SEMA4D: variants seen among roughly 807,000 people sequenced by gnomAD.
SEMA4D encodes the protein semaphorin 4D.
A neutral mutation model predicts 74.8 loss-of-function variants in SEMA4D; 22 were observed. That is an observed-to-expected ratio of 0.29 (90% confidence interval 0.21 to 0.42). The LOEUF (loss-of-function observed/expected upper bound fraction) is 0.42. Among genes scored for constraint, SEMA4D ranks in the 10% least tolerant of loss-of-function variants. SEMA4D has a pLI of 1.00. For synonymous variants in SEMA4D, 445 were observed against 463.7 expected (o/e 0.96, Z 0.52); for missense variants, 937 against 1,118.4 (o/e 0.84, Z 2.31).
At chr9:89,462,306 T>C (rs1367336357) in intron 1 of SEMA4D, among the ~76,000 whole-genome samples, 2 of 152,210 alleles carry the variant, frequency 1.3e-5, no homozygotes, top group African/African-American at 4.8e-5. Flanking sequence ...ACGGTGCTAT[T>C]ATAATTCACA....
chr9:89,362,129 G>A, exon 19 of SEMA4D: 1 of 580,512 alleles, frequency 1.7e-6, no homozygotes, highest in Non-Finnish European at 3.1e-6. Context: ...TAGCCATCCT[G>A]GTTACCTGCT....
chr9:89,393,202 G>A (rs1840225238), intron 7 of SEMA4D, among the ~76,000 whole-genome samples: 1 of 152,232 alleles, frequency 6.6e-6, no homozygotes, highest in Non-Finnish European at 1.5e-5. Context: ...AGATGCAACA[G>A]TGGGTACACA....
At chr9:89,455,687 C>T (rs1009089992) in intron 2 of SEMA4D, among the ~76,000 whole-genome samples, 1 of 152,320 alleles carries the variant, frequency 6.6e-6, no homozygotes, top group South Asian at 2.1e-4. Flanking sequence ...CTAAACCGAC[C>T]CTTACCACTC....
At chr9:89,371,545 T>G (rs1470737591) in intron 16 of SEMA4D, among the ~76,000 whole-genome samples, 2 of 7,862 alleles carry the variant, frequency 2.5e-4, no homozygotes, top group African/African-American at 3.4e-4. Context: ...TGGGGGTGTG[T>G]TTGGGGTGTG....
intron 2 of SEMA4D, among the ~76,000 whole-genome samples, chr9:89,420,093 G>A (rs1316406568): frequency 6.6e-6 from 1 of 152,106 alleles, no homozygotes; most frequent in Non-Finnish European, 1.5e-5. Context: ...CATCTCAATT[G>A]CCTCCAACAA....
chr9:89,428,720 C>A (rs1848620631), intron 2 of SEMA4D, among the ~76,000 whole-genome samples: 1 of 152,248 alleles, frequency 6.6e-6, no homozygotes, highest in Non-Finnish European at 1.5e-5. Flanking sequence ...ACCTACAGGA[C>A]CATGGTGCAC....
intron 17 of SEMA4D, chr9:89,363,720 G>A (rs148816887): frequency 1.2e-6 from 2 of 1,608,068 alleles, no homozygotes; most frequent in East Asian, 4.5e-5. Context: ...AAGGGTAACA[G>A]TGGGCATGGG....
chr9:89,471,453 A>G (rs1013725742), intron 1 of SEMA4D, among the ~76,000 whole-genome samples: 1 of 152,256 alleles, frequency 6.6e-6, no homozygotes, highest in African/African-American at 2.4e-5. Flanking sequence ...ACAATAAAAG[A>G]AGTTCAAAAA....
At chr9:89,474,602 C>T (rs1441164343) in intron 1 of SEMA4D, among the ~76,000 whole-genome samples, 2 of 152,200 alleles carry the variant, frequency 1.3e-5, no homozygotes, top group South Asian at 2.1e-4. Flanking sequence ...GTGTACACTT[C>T]ATTATCGTTT....
chr9:89,432,534 C>T lies in SEMA4D; in HGVS notation c.-244+23354G>A, dbSNP rs572065047. 2.6e-5 allele frequency among the ~76,000 whole-genome samples: 4 copies of T among 152,306 alleles called. 1 individual carries two copies. In the South Asian group the frequency reaches 8.3e-4, roughly 32 times the overall value. ...AGTGCCCTGTCTCTATCTCTGGTCA[C>T]CAGTGCAGTGGGGCACACCCCGTGG... is the stretch of plus-strand genomic sequence containing the variant. On this transcript the variant is annotated intron_variant, in intron 2 of 15. Transcript: ENST00000422704.
intron 2 of SEMA4D, among the ~76,000 whole-genome samples, chr9:89,441,239 C>G (rs1851601333): frequency 6.6e-6 from 1 of 152,276 alleles, no homozygotes. Flanking sequence ...AATACCAACC[C>G]TTGGCCTCCG....
rs148655839 is a variant in SEMA4D at position 89,461,696 on chromosome 9, T to TTCTCTC, written c.-309-5744_-309-5743insGAGAGA. Among the ~76,000 whole-genome samples the TTCTCTC allele has an allele frequency of 6.5e-3, 652 of 100,984 alleles. 11 individuals are homozygous for TTCTCTC. Among genetic ancestry groups the TTCTCTC allele is most frequent in the South Asian group, 0.012 (34 of 2,908 alleles). 66.2% of individuals were successfully genotyped at this position (100,984 alleles called of 152,430 possible). ...CCTAGGGCCAATGTGTATTTCTTTT[T>TTCTCTC]TCTCTTTTTTTTTTTTTTTTTTTGG... On this transcript the variant is annotated intron_variant, in intron 1 of 15. Transcript: ENST00000422704.
At chr9:89,446,985 A>G (rs4074428) in intron 2 of SEMA4D, among the ~76,000 whole-genome samples, 146,224 of 152,124 alleles carry the variant, frequency 0.96, 70,488 homozygotes, top group Non-Finnish European at 0.99. Context: ...CTTCCCTTCC[A>G]AATCCTGCCA....
chr9:89,423,576 T>C (rs1288987455), intron 2 of SEMA4D, among the ~76,000 whole-genome samples: 2 of 152,144 alleles, frequency 1.3e-5, no homozygotes, highest in African/African-American at 2.4e-5. Context: ...AGGAAGCATA[T>C]TGTGATAGCT....
chr9:89,369,521 G>A (rs1245029393), intron 16 of SEMA4D: 3 of 152,226 alleles, frequency 2.0e-5, no homozygotes, highest in Non-Finnish European at 4.4e-5. Context: ...AAATTATATC[G>A]ATCTGTTTCT....
intron 13 of SEMA4D, chr9:89,384,568 G>T: frequency 4.0e-6 from 3 of 744,058 alleles, no homozygotes; most frequent in Non-Finnish European, 4.9e-6. Flanking sequence ...AGTGGTAATG[G>T]CTGCAAAACA....
At chr9:89,428,811 T>C (rs190669810) in intron 2 of SEMA4D, among the ~76,000 whole-genome samples, 261 of 152,250 alleles carry the variant, frequency 1.7e-3, no homozygotes, top group African/African-American at 5.9e-3. Flanking sequence ...GGGCTGGCCA[T>C]AGGGAAATAC....
chr9:89,400,668 A>G (rs1842007130), intron 4 of SEMA4D, among the ~76,000 whole-genome samples: 1 of 152,252 alleles, frequency 6.6e-6, no homozygotes, highest in African/African-American at 2.4e-5. Flanking sequence ...CATTTAAAGT[A>G]CAGATGATTT....
At chr9:89,475,132 G>A (rs564098908) in intron 1 of SEMA4D, among the ~76,000 whole-genome samples, 4 of 152,328 alleles carry the variant, frequency 2.6e-5, no homozygotes, top group South Asian at 4.1e-4. Context: ...CCTGCAGCTG[G>A]AGGACAGACC....
Sources: allele counts gnomAD v4.1 joint callset (sites outside exome capture counted in the v4.1 genomes callset), GRCh38; gene constraint gnomAD v4.1.1; transcripts MANE v1.5; gene names NCBI Gene and HGNC (gene_info 2026-07-23, HGNC 2026-07-21).